The following ATP8A2 variants were observed in gnomAD, a reference collection of about 807,000 sequenced individuals.
The protein encoded by ATP8A2 is phospholipid-transporting ATPase IB.
ATP8A2 carries 100 observed loss-of-function variants against 165.6 expected under a neutral mutation model. The ratio of observed to expected loss-of-function variants is 0.60; its 90% CI spans 0.51 to 0.71. The LOEUF (loss-of-function observed/expected upper bound fraction) is 0.71. Ranked by LOEUF, ATP8A2 falls within the 30% of genes least tolerant of loss-of-function variation. The pLI, the probability that ATP8A2 is intolerant of heterozygous loss-of-function variation, is 0.00. For synonymous variants in ATP8A2, 543 were observed against 548.8 expected (o/e 0.99, Z 0.15); for missense variants, 1,227 against 1,479.5 (o/e 0.83, Z 2.80).
intron 24 of ATP8A2, among the ~76,000 whole-genome samples, chr13:25,617,713 T>G (rs2040862675): frequency 6.6e-6 from 1 of 152,192 alleles, no homozygotes; most frequent in Non-Finnish European, 1.5e-5. Flanking sequence ...CTTACTGAAT[T>G]ATGTAGATTT....
Position 25,524,886 on chromosome 13 carries a change from A to ACTTCCTTCCTTCCTTC in ATP8A2, c.222-5076_222-5061dup, listed in dbSNP as rs58154499. Among the ~76,000 whole-genome samples the ACTTCCTTCCTTCCTTC allele has an allele frequency of 8.3e-4, 118 of 141,718 alleles. 1 individual carries two copies. Among genetic ancestry groups the ACTTCCTTCCTTCCTTC allele is most frequent in the African/African-American group, 2.7e-3 (100 of 37,702 alleles). 93.0% of individuals were successfully genotyped at this position (141,718 alleles called of 152,430 possible). A position where few individuals can be genotyped will look rare whatever the true frequency, so the allele number is the denominator to read the frequency against. On this transcript the variant is annotated intron_variant, in intron 2 of 36. Coordinates refer to ENST00000381655, the MANE Select transcript of ATP8A2 (RefSeq NM_016529.6). ...CTGCTTGTTTTCTCATTGTTTGATA[A>ACTTCCTTCCTTCCTTC]CTTCCTTCCTTCCTTCCTTCCTTCC... is the stretch of plus-strand genomic sequence containing the variant.
At chr13:25,498,058 A>G (rs1464223895) in intron 2 of ATP8A2, among the ~76,000 whole-genome samples, 1 of 152,180 alleles carries the variant, frequency 6.6e-6, no homozygotes, top group Non-Finnish European at 1.5e-5. Flanking sequence ...TATGCTGTAT[A>G]CCCATACATG....
At chr13:25,473,973 G>T (rs1353846523) in intron 2 of ATP8A2, among the ~76,000 whole-genome samples, 2 of 152,164 alleles carry the variant, frequency 1.3e-5, no homozygotes, top group African/African-American at 4.8e-5. Flanking sequence ...ATCTTTCTAT[G>T]TGATTAGCAG....
intron 24 of ATP8A2, among the ~76,000 whole-genome samples, chr13:25,607,510 C>T (rs1006363555): frequency 6.6e-6 from 1 of 151,764 alleles, no homozygotes; most frequent in East Asian, 1.9e-4. Flanking sequence ...GTCAAAAAAT[C>T]GTAAGTTAAA....
In ATP8A2 at chr13:25,884,475, A is replaced by G. The variant is rs1224337820; in HGVS notation, c.3183+22067A>G. On this transcript the variant is annotated intron_variant, in intron 33 of 36. Coordinates refer to ENST00000381655, the MANE Select transcript of ATP8A2 (RefSeq NM_016529.6). ...GGGTGCCTTCTAGCTTCCTTTGCTCATTAGCAGGCTCTTAGAAGGCAGGCT... is the reference window on the plus strand; with the variant it reads ...GGGTGCCTTCTAGCTTCCTTTGCTCGTTAGCAGGCTCTTAGAAGGCAGGCT... 2.0e-5 allele frequency among the ~76,000 whole-genome samples: 3 copies of G among 152,174 alleles called. No homozygotes were observed. The South Asian group carries it at 6.2e-4, about 32-fold the overall frequency.
Position 25,741,378 on chromosome 13 carries a change from GTTGT to G in ATP8A2, c.2385-27655_2385-27652del, listed in dbSNP as rs912742852. On this transcript the variant is annotated intron_variant, in intron 25 of 36. Transcript: ENST00000381655. ...AAACATACACTCGAGCAACATTTTAGTTGTTTGTTTGTTTGTGTTTAGACAGGGA... is the reference window on the plus strand; with the variant it reads ...AAACATACACTCGAGCAACATTTTAGTTGTTTGTTTGTGTTTAGACAGGGA... Among the ~76,000 whole-genome samples the G allele has an allele frequency of 2.9e-4, 44 of 152,180 alleles. 1 individual carries two copies. The highest frequency in any genetic ancestry group is 9.4e-4 in the African/African-American group (39 of 41,532).
intron 35 of ATP8A2, among the ~76,000 whole-genome samples, chr13:25,984,836 C>G (rs889183504): frequency 6.6e-6 from 1 of 152,080 alleles, no homozygotes; most frequent in African/African-American, 2.4e-5. Context: ...CAGAAACAAA[C>G]AGAAACAAAG....
intron 34 of ATP8A2, among the ~76,000 whole-genome samples, chr13:25,965,169 A>G (rs1294681055): frequency 6.6e-6 from 1 of 152,154 alleles, no homozygotes; most frequent in Non-Finnish European, 1.5e-5. Flanking sequence ...CAAAGAAAAA[A>G]AGGCTTTTAA....
At chr13:25,535,773 C>T (rs1051250165) in intron 6 of ATP8A2, among the ~76,000 whole-genome samples, 21 of 152,110 alleles carry the variant, frequency 1.4e-4, no homozygotes, top group African/African-American at 4.8e-4. Flanking sequence ...CTTGATCGCA[C>T]CACTGCACTC....
At chr13:25,742,383 T>C (rs1230717154) in intron 25 of ATP8A2, among the ~76,000 whole-genome samples, 5 of 151,790 alleles carry the variant, frequency 3.3e-5, no homozygotes, top group African/African-American at 1.2e-4. Context: ...TAAAGTAAAT[T>C]CTTAATGTAG....
intron 35 of ATP8A2, 109 bp from the exon 36 acceptor site, chr13:26,012,422 C>T: frequency 1.2e-6 from 1 of 848,338 alleles, no homozygotes; most frequent in Non-Finnish European, 1.8e-6. Flanking sequence ...CACGCCTTAC[C>T]CGACGTGGGG....
intron 27 of ATP8A2, among the ~76,000 whole-genome samples, chr13:25,804,596 AC>A (rs1950690383): frequency 6.6e-6 from 1 of 152,180 alleles, no homozygotes; most frequent in Non-Finnish European, 1.5e-5. Flanking sequence ...CTTTCTGTAA[AC>A]ACATTCTAAA....
rs1004885039 is a variant in ATP8A2 at position 25,589,814 on chromosome 13, T to G, written c.2211+115T>G. ...TGCTAAAAAACAGTTATGAAAAAAC[T>G]GTGTTTATTTTCTGTTTATATTTAT... is the stretch of plus-strand genomic sequence containing the variant. On this transcript the variant is annotated intron_variant, in intron 24 of 36. Transcript: ENST00000381655. 3 of 635,262 alleles carry G rather than the reference T, an allele frequency of 4.7e-6. No individual in the cohort carries two copies. In the African/African-American group the frequency reaches 5.6e-5, roughly 12 times the overall value. The allele number at this position is 635,262 out of a possible 1,614,324, so 39.4% of individuals were successfully genotyped here.
At chr13:25,474,399 A>C (rs1286804326) in intron 2 of ATP8A2, among the ~76,000 whole-genome samples, 2 of 151,994 alleles carry the variant, frequency 1.3e-5, no homozygotes, top group Non-Finnish European at 2.9e-5. Flanking sequence ...GTCTCTACTA[A>C]AAATACAAAA....
chr13:25,601,429 A>T (rs890964123), intron 24 of ATP8A2, among the ~76,000 whole-genome samples: 5 of 152,208 alleles, frequency 3.3e-5, no homozygotes, highest in African/African-American at 1.2e-4. Context: ...CCACTTTGAA[A>T]AGATATGTTT....
At chr13:25,991,640 T>A (rs1956396605) in intron 35 of ATP8A2, among the ~76,000 whole-genome samples, 1 of 152,270 alleles carries the variant, frequency 6.6e-6, no homozygotes, top group South Asian at 2.1e-4. Flanking sequence ...CATAATTCTC[T>A]GGAGTTTCAT....
At position 25,783,361 on chromosome 13, in the gene ATP8A2, A is replaced by G. The variant is rs542936593; in HGVS notation, c.2679+8402A>G. Among the ~76,000 whole-genome samples the G allele has an allele frequency of 2.8e-4, 42 of 152,396 alleles. 1 individual carries two copies. The highest frequency in any genetic ancestry group is 9.6e-4 in the African/African-American group (40 of 41,600). ...GAGAAGTTTCCCATTGGACAATTGAAAAATGGGAATTAACTAGAAATGTAA... is the reference window on the plus strand; with the variant it reads ...GAGAAGTTTCCCATTGGACAATTGAGAAATGGGAATTAACTAGAAATGTAA... On this transcript the variant is annotated intron_variant, in intron 27 of 36. Coordinates refer to ENST00000381655, the MANE Select transcript of ATP8A2 (RefSeq NM_016529.6).
At chr13:25,407,497 T>C (rs1446041018) in intron 1 of ATP8A2, among the ~76,000 whole-genome samples, 2 of 152,224 alleles carry the variant, frequency 1.3e-5, no homozygotes, top group East Asian at 3.8e-4. Context: ...GAAACTCATA[T>C]CCCAAATATT....
intron 1 of ATP8A2, among the ~76,000 whole-genome samples, chr13:25,436,015 A>G (rs1475556276): frequency 6.7e-6 from 1 of 148,646 alleles, no homozygotes; most frequent in East Asian, 1.9e-4. Context: ...CTTTCAGACT[A>G]AATTTAAGCC....
Sources: allele counts gnomAD v4.1 joint callset (sites outside exome capture counted in the v4.1 genomes callset), GRCh38; gene constraint gnomAD v4.1.1; transcripts MANE v1.5; gene names NCBI Gene and HGNC (gene_info 2026-07-23, HGNC 2026-07-21).